MNAT1: variants seen among roughly 807,000 people sequenced by gnomAD.
MNAT1 encodes MNAT1 component of CDK activating kinase.
MNAT1 carries 43 observed loss-of-function variants against 42.0 expected under a neutral mutation model. That is an observed-to-expected ratio of 1.02 (90% CI 0.80 to 1.32). The LOEUF (loss-of-function observed/expected upper bound fraction) is 1.32, where lower values mean the gene tolerates loss of function less well. Ranked by LOEUF, MNAT1 falls within the 40% of genes most tolerant of loss-of-function variation. The pLI, the probability that MNAT1 is intolerant of heterozygous loss-of-function variation, is 0.00. For missense variants in MNAT1, 306 were observed against 350.4 expected (o/e 0.87, Z 1.01); for synonymous variants, 118 against 120.0 (o/e 0.98, Z 0.11).
intron 6 of MNAT1, among the ~76,000 whole-genome samples, chr14:60,866,125 G>A (rs991519099): frequency 2.6e-5 from 4 of 152,022 alleles, no homozygotes. Flanking sequence ...CTTCTCCAAG[G>A]TAAAGAAAAA....
At chr14:60,885,915 T>C (rs976106328) in intron 7 of MNAT1, among the ~76,000 whole-genome samples, 5 of 152,090 alleles carry the variant, frequency 3.3e-5, no homozygotes, top group African/African-American at 1.2e-4. Flanking sequence ...TTTAAGTCTT[T>C]AGTCCATTTT....
chr14:60,920,570 C>T (rs1383409379), intron 7 of MNAT1, among the ~76,000 whole-genome samples: 1 of 151,894 alleles, frequency 6.6e-6, no homozygotes, highest in Non-Finnish European at 1.5e-5. Flanking sequence ...CAGGTGCCCA[C>T]CTGTAATCAT....
At chr14:60,966,369 C>T (rs2036683162) in intron 7 of MNAT1, among the ~76,000 whole-genome samples, 1 of 152,080 alleles carries the variant, frequency 6.6e-6, no homozygotes, top group South Asian at 2.1e-4. Context: ...ATCCACCTGC[C>T]TCGGCTTCCC....
At chr14:60,850,029 A>T (rs2033783782) in intron 6 of MNAT1, among the ~76,000 whole-genome samples, 1 of 151,788 alleles carries the variant, frequency 6.6e-6, no homozygotes, top group Non-Finnish European at 1.5e-5. Flanking sequence ...TAGAGATGGG[A>T]TTTCACCATT....
At chr14:60,945,660 G>A (rs2036257068) in intron 7 of MNAT1, among the ~76,000 whole-genome samples, 1 of 151,842 alleles carries the variant, frequency 6.6e-6, no homozygotes, top group African/African-American at 2.4e-5. Flanking sequence ...TCGTTATATT[G>A]TGACAATATA....
intron 7 of MNAT1, among the ~76,000 whole-genome samples, chr14:60,889,399 T>C (rs1048318367): frequency 6.6e-6 from 1 of 152,162 alleles, no homozygotes; most frequent in Non-Finnish European, 1.5e-5. Context: ...GCTAGCCATA[T>C]GTAGAAAGCT....
At chr14:60,764,757 A>G (rs1442844105) in intron 1 of MNAT1, among the ~76,000 whole-genome samples, 1 of 152,212 alleles carries the variant, frequency 6.6e-6, no homozygotes, top group Non-Finnish European at 1.5e-5. Context: ...TAAATAGGCA[A>G]ATAAATAAAT....
chr14:60,805,301 C>T (rs1038323061), intron 3 of MNAT1, among the ~76,000 whole-genome samples: 1 of 151,660 alleles, frequency 6.6e-6, no homozygotes, highest in African/African-American at 2.4e-5. Context: ...TAGAGAATTC[C>T]TATATATCTC....
intron 7 of MNAT1, among the ~76,000 whole-genome samples, chr14:60,945,746 A>G (rs1401031532): frequency 6.6e-6 from 1 of 152,160 alleles, no homozygotes. Context: ...CTGCCGAGAG[A>G]AGCTGGAGAA....
At chr14:60,753,293 A>G (rs1566751904) in intron 1 of MNAT1, among the ~76,000 whole-genome samples, 1 of 152,186 alleles carries the variant, frequency 6.6e-6, no homozygotes, top group African/African-American at 2.4e-5. Flanking sequence ...ATTAAACAAC[A>G]TGAGTTTGAA....
At chr14:60,862,699 A>C (rs928780023) in intron 6 of MNAT1, among the ~76,000 whole-genome samples, 1 of 152,206 alleles carries the variant, frequency 6.6e-6, no homozygotes, top group African/African-American at 2.4e-5. Flanking sequence ...AAAGATGGAA[A>C]ATCATAAGAA....
chr14:60,767,802 G>A (rs990955139), intron 1 of MNAT1, among the ~76,000 whole-genome samples: 8 of 151,500 alleles, frequency 5.3e-5, no homozygotes, highest in African/African-American at 1.9e-4. Flanking sequence ...GTCTCACTCT[G>A]TCGCCAGGCT....
At chr14:60,834,731 TG>T in intron 6 of MNAT1, among the ~76,000 whole-genome samples, 1 of 152,330 alleles carries the variant, frequency 6.6e-6, no homozygotes, top group South Asian at 2.1e-4. Context: ...TTTGTGTTTT[TG>T]ATCAGTCTAA....
In MNAT1 at chr14:60,820,495, C is replaced by CT. The variant is rs1566780459; in HGVS notation, c.687+1649dup. Among the ~76,000 whole-genome samples, 8 of 149,696 alleles carry CT rather than the reference C, an allele frequency of 5.3e-5. No homozygotes were observed. The South Asian group carries it at 1.7e-3, about 32-fold the overall frequency. On this transcript the variant is annotated intron_variant, in intron 6 of 7. Transcript: ENST00000261245. ...ATTAAAATAAGATCTGGCTTACAGT[C>CT]TAAGTAGAAGATACAAGAACTCATC...
chr14:60,777,050 A>G (rs1297277639), intron 1 of MNAT1, among the ~76,000 whole-genome samples: 1 of 152,052 alleles, frequency 6.6e-6, no homozygotes, highest in Non-Finnish European at 1.5e-5. Context: ...AGGTTTCGCC[A>G]TGTTGCCCAG....
intron 1 of MNAT1, among the ~76,000 whole-genome samples, chr14:60,783,777 C>T (rs935144466): frequency 8.5e-5 from 13 of 152,190 alleles, no homozygotes; most frequent in Non-Finnish European, 1.8e-4. Flanking sequence ...GCTGGGATTA[C>T]AGGCGTGAGC....
rs1389638948 is a variant in MNAT1 at position 60,736,649 on chromosome 14, G to C, written c.89+1698G>C. Among the ~76,000 whole-genome samples the C allele has an allele frequency of 2.0e-5, 3 of 152,262 alleles. No individual in the cohort carries two copies. The East Asian group carries it at 5.8e-4, about 29-fold the overall frequency. On this transcript the variant is annotated intron_variant, in intron 1 of 7. Coordinates refer to ENST00000261245, the MANE Select transcript of MNAT1 (RefSeq NM_002431.4). ...AAAAGCTGTAGCGTATTGGCTGAGA[G>C]AACAAGCTTTGGAATGAGCCTGTCT...
chr14:60,917,534 A>G lies in MNAT1; in HGVS notation c.809+37699A>G, dbSNP rs541558022. Among the ~76,000 whole-genome samples the G allele has an allele frequency of 2.6e-5, 4 of 152,250 alleles. No individual in the cohort carries two copies. In the South Asian group the frequency reaches 8.3e-4, roughly 32 times the overall value. On this transcript the variant is annotated intron_variant, in intron 7 of 7. Transcript: ENST00000261245. Reference sequence around the variant, plus strand: ...CAACTAACCACTCATCAGTGGTCACACATGAACATGGGACATATGCAACTT... The same window carrying G: ...CAACTAACCACTCATCAGTGGTCACGCATGAACATGGGACATATGCAACTT...
rs1374113057 is a variant in MNAT1 at position 60,798,158 on chromosome 14, T to C, written c.314T>C (p.Ile105Thr). 3 of 1,487,618 alleles carry C rather than the reference T, an allele frequency of 2.0e-6. No homozygotes were observed. The highest frequency in any genetic ancestry group is 2.8e-6 in the Non-Finnish European group (3 of 1,068,522). The allele number at this position is 1,487,618 out of a possible 1,614,324, so 92.2% of individuals were successfully genotyped here. A position where few individuals can be genotyped will look rare whatever the true frequency, so the allele number is the denominator to read the frequency against. ...GATTTCTTGGAAGAAGTGGAAGAAA[T>C]TGGTACGTTTTTAATTTGATGTATG... ...YNDFLEEVEEIVFNLTNNVDL... is the reference protein window; with the variant it reads ...YNDFLEEVEETVFNLTNNVDL... Residue 105 changes from isoleucine (I) to threonine (T), a missense_variant and splice_region_variant, in exon 3 of 8, where the codon ATT becomes ACT. Ile to Thr is a moderately conservative substitution (Grantham distance 89). Around this residue, in one of 3 missense-constraint regions of MNAT1, gnomAD observed 118 missense variants for 99.8 expected, o/e 1.18. Transcript: ENST00000261245.
Sources: allele counts gnomAD v4.1 joint callset (sites outside exome capture counted in the v4.1 genomes callset), GRCh38; gene constraint gnomAD v4.1.1; regional missense constraint gnomAD v4.1.1; transcripts MANE v1.5; gene names NCBI Gene and HGNC (gene_info 2026-07-23, HGNC 2026-07-21).